The following ARHGAP39 variants were observed in gnomAD, a reference collection of about 807,000 sequenced individuals.
The protein encoded by ARHGAP39 is Rho GTPase activating protein 39, also known as rho GTPase-activating protein 39.
ARHGAP39 carries 44 observed loss-of-function variants against 106.9 expected under a neutral mutation model. The observed-to-expected ratio is 0.41, with a 90% confidence interval of 0.32 to 0.53. ARHGAP39 has a LOEUF of 0.53. Among genes scored for constraint, ARHGAP39 ranks in the 20% least tolerant of loss-of-function variants. ARHGAP39 has a pLI of 0.21. For missense variants in ARHGAP39, 1,496 were observed against 1,577.3 expected, an observed-to-expected ratio of 0.95 and a Z score of 0.87; for synonymous variants, 768 against 693.2, an observed-to-expected ratio of 1.11 and a Z score of -1.69.
In ARHGAP39 at chr8:144,604,011, C is replaced by T. The variant is rs920765512; in HGVS notation, c.80+1524G>A. Among the ~76,000 whole-genome samples, 16 of 152,300 alleles carry T rather than the reference C, an allele frequency of 1.1e-4. No homozygotes were observed. The highest frequency in any genetic ancestry group is 3.4e-3 in the Middle Eastern group (1 of 294). On this transcript the variant is annotated intron_variant, in intron 2 of 11. Transcript: ENST00000377307. This position sits in a 1 kb window ranked among gnomAD's most constrained non-coding sequence, Gnocchi z 4.1. ...CAACGGAGCTCACAGCCCACATCAG[C>T]GAACAAACGAATGAAGAACGAACAA...
At chr8:144,662,929 G>A (rs1821871182) in intron 1 of ARHGAP39, among the ~76,000 whole-genome samples, 1 of 111,358 alleles carries the variant, frequency 9.0e-6, no homozygotes. Context: ...TATCCACCTT[G>A]GACTGCTCCC....
At chr8:144,689,418 T>C (rs1203318769), upstream of ARHGAP39, among the ~76,000 whole-genome samples, 2 of 148,312 alleles carry the variant, frequency 1.3e-5, no homozygotes, top group African/African-American at 4.9e-5. Flanking sequence ...ATTTACCATC[T>C]TAACCATCTT....
In ARHGAP39 at chr8:144,581,244, G is replaced by A; in HGVS notation, c.114C>T (p.Thr38=). The change falls in exon 3 of 12, where the codon ACC becomes ACT. Residue 38 remains threonine, a synonymous_variant. Coordinates refer to ENST00000377307, the MANE Select transcript of ARHGAP39 (RefSeq NM_025251.3). ...LEWVEIIEPR[T]RERMYANLVT... ...CCAGGTTGGCGTACATGCGCTCGCG[G>A]GTGCGCGGTTCGATGATCTCCACCC... 1 of 1,553,122 alleles carries A rather than the reference G, an allele frequency of 6.4e-7. No homozygotes were observed. The highest frequency in any genetic ancestry group is 8.7e-7 in the Non-Finnish European group (1 of 1,149,368).
intron 3 of ARHGAP39, among the ~76,000 whole-genome samples, chr8:144,560,363 A>T (rs1818096839): frequency 6.6e-6 from 1 of 151,860 alleles, no homozygotes; most frequent in South Asian, 2.1e-4. Flanking sequence ...TGAACCCAAG[A>T]GGCAGAGGTT....
chr8:144,544,721 C>T (rs1011373964), intron 6 of ARHGAP39, among the ~76,000 whole-genome samples: 1 of 152,258 alleles, frequency 6.6e-6, no homozygotes, highest in African/African-American at 2.4e-5. Flanking sequence ...ACGTGCGACC[C>T]CATGGGGCAG....
At chr8:144,651,780 CAA>C (rs1821580491) in intron 1 of ARHGAP39, among the ~76,000 whole-genome samples, 1 of 151,996 alleles carries the variant, frequency 6.6e-6, no homozygotes, top group African/African-American at 2.4e-5. Context: ...CAATCCTAAG[CAA>C]AAAGAAGCTG....
intron 1 of ARHGAP39, among the ~76,000 whole-genome samples, chr8:144,624,426 C>T (rs1449544528): frequency 6.6e-6 from 1 of 152,256 alleles, no homozygotes; most frequent in Non-Finnish European, 1.5e-5. Context: ...CATCATTTCT[C>T]TCTGATCAAT....
At chr8:144,695,965 G>A in the ARHGAP39 span, among the ~76,000 whole-genome samples, 1 of 152,186 alleles carries the variant, frequency 6.6e-6, no homozygotes, top group Non-Finnish European at 1.5e-5. Context: ...GAGTCTGTCT[G>A]GCTCTTAGCT....
At chr8:144,619,382 G>A (rs147865035) in intron 1 of ARHGAP39, among the ~76,000 whole-genome samples, 5 of 152,020 alleles carry the variant, frequency 3.3e-5, no homozygotes, top group South Asian at 2.1e-4. Flanking sequence ...GTCCCAGAGG[G>A]AGAGTGTGTG....
At chr8:144,690,318 G>T (rs1302708987), upstream of ARHGAP39, among the ~76,000 whole-genome samples, 2 of 151,170 alleles carry the variant, frequency 1.3e-5, no homozygotes, top group African/African-American at 4.9e-5. Context: ...TCACCATGTT[G>T]GCCAAGCTGG....
At chr8:144,536,363 T>C (rs1816953695) in intron 7 of ARHGAP39, among the ~76,000 whole-genome samples, 3 of 152,126 alleles carry the variant, frequency 2.0e-5, no homozygotes, top group Admixed American at 2.0e-4. Flanking sequence ...GGCCTCCTGA[T>C]GTTGACCCTG....
At chr8:144,683,694 T>C (rs1822490721) in intron 1 of ARHGAP39, among the ~76,000 whole-genome samples, 1 of 152,154 alleles carries the variant, frequency 6.6e-6, no homozygotes, top group Non-Finnish European at 1.5e-5. Context: ...ATAATTCATC[T>C]AAGTATGTGA....
At position 144,533,796 on chromosome 8, in the gene ARHGAP39, G is replaced by A. The variant is rs189626798; in HGVS notation, c.2688+333C>T. 4.3e-3 allele frequency among the ~76,000 whole-genome samples: 655 copies of A among 152,332 alleles called. 3 individuals are homozygous for A. The highest frequency in any genetic ancestry group is 0.015 in the African/African-American group (603 of 41,574). On this transcript the variant is annotated intron_variant, in intron 8 of 11. Transcript: ENST00000377307. The stretch of plus-strand genomic sequence containing the variant: ...TGGGGAGGGGTATGATGGGAGCAGC[G>A]CATCAGAGAGAAGAGGATGTGGGGA...
intron 1 of ARHGAP39, among the ~76,000 whole-genome samples, chr8:144,663,150 T>G (rs1195429572): frequency 1.5e-5 from 2 of 132,318 alleles, no homozygotes; most frequent in South Asian, 2.5e-4. Flanking sequence ...CTTGGACCAC[T>G]CTCTCCTCCC....
chr8:144,674,333 C>T (rs571159324), intron 1 of ARHGAP39, among the ~76,000 whole-genome samples: 32 of 152,156 alleles, frequency 2.1e-4, no homozygotes, highest in African/African-American at 6.0e-4. Context: ...AGCTCCTTTC[C>T]GCATACGGGT....
At position 144,530,575 on chromosome 8, in the gene ARHGAP39, A is replaced by G. The variant is rs749104312; in HGVS notation, c.3192T>C (p.Asp1064=). ...CCATCACCATGGCCAGGTTGCTGAC[A>G]TCCATCTTGGTGACCGCGACGTTGG... The part of the protein sequence containing the change: ...QPANVAVTKM[D]VSNLAMVMAP... Residue 1064 remains aspartate, a synonymous_variant, in exon 12 of 12, where the codon GAT becomes GAC. Coordinates refer to ENST00000377307, the MANE Select transcript of ARHGAP39 (RefSeq NM_025251.3). 4.4e-6 allele frequency: 7 copies of G among 1,608,692 alleles called. No individual in the cohort carries two copies. The Admixed American group carries it at 1.2e-4, about 27-fold the overall frequency.
chr8:144,656,164 T>G (rs1821687277), intron 1 of ARHGAP39, among the ~76,000 whole-genome samples: 1 of 137,922 alleles, frequency 7.3e-6, no homozygotes, highest in Non-Finnish European at 1.6e-5. Flanking sequence ...ATGTAAAATG[T>G]AATAAAGAGC....
At chr8:144,615,268 T>C (rs1563709376) in intron 1 of ARHGAP39, among the ~76,000 whole-genome samples, 1 of 152,124 alleles carries the variant, frequency 6.6e-6, no homozygotes, top group African/African-American at 2.4e-5. Context: ...TACAGTGAGC[T>C]ATGACTGTGG....
Position 144,670,207 on chromosome 8 carries a change from C to A in ARHGAP39, c.-82+15479G>T, listed in dbSNP as rs866994029. Among the ~76,000 whole-genome samples the A allele has an allele frequency of 6.6e-6, 1 of 150,732 alleles. No homozygotes were observed. The highest frequency in any genetic ancestry group is 6.6e-5 in the Admixed American group (1 of 15,116). On this transcript the variant is annotated intron_variant, in intron 1 of 11. Coordinates refer to ENST00000377307, the MANE Select transcript of ARHGAP39 (RefSeq NM_025251.3). The surrounding 1 kb of genome is among the most constrained non-coding windows in gnomAD (Gnocchi z 4.4). ...GCTGTAAAAAGCAACAGAGCTCGGA[C>A]GCATGCTAGAGCGTACCGGGAAGCT... is the stretch of plus-strand genomic sequence containing the variant.
Sources: allele counts gnomAD v4.1 joint callset (sites outside exome capture counted in the v4.1 genomes callset), GRCh38; gene constraint gnomAD v4.1.1; non-coding constraint Gnocchi (gnomAD v3.1); transcripts MANE v1.5; gene names NCBI Gene and HGNC (gene_info 2026-07-23, HGNC 2026-07-21).